The following NBAS variants were observed in gnomAD, a reference collection of about 807,000 sequenced individuals.
NBAS encodes the protein NAG/BC035112 fusion.
In NBAS, 219 loss-of-function variants were observed where a neutral mutation model predicts 302.5. The observed-to-expected ratio is 0.72, with a 90% CI of 0.65 to 0.81. The LOEUF (loss-of-function observed/expected upper bound fraction) is 0.81. Ranked by LOEUF, NBAS falls within the 30% of genes least tolerant of loss-of-function variation. NBAS has a pLI of 0.00. For missense variants in NBAS, 2,932 were observed against 2,841.6 expected (o/e 1.03, Z -0.72); for synonymous variants, 1,118 against 1,021.6 (o/e 1.09, Z -1.80).
chr2:15,470,731 T>C (rs1391563622), intron 16 of NBAS, among the ~76,000 whole-genome samples: 1 of 152,176 alleles, frequency 6.6e-6, no homozygotes, highest in African/African-American at 2.4e-5. Context: ...ACTGGGTTTC[T>C]AGAGTTGTAT....
At chr2:15,460,037 A>G (rs977511051) in intron 21 of NBAS, among the ~76,000 whole-genome samples, 49 of 152,184 alleles carry the variant, frequency 3.2e-4, no homozygotes, top group Admixed American at 6.5e-4. Context: ...ATTACTCTAT[A>G]CATGTTGACC....
the NBAS span, among the ~76,000 whole-genome samples, chr2:14,935,922 A>G: frequency 1.3e-5 from 2 of 152,196 alleles, no homozygotes; most frequent in African/African-American, 4.8e-5. Flanking sequence ...CCTAGGTGCC[A>G]AACCAGAGTA....
the NBAS span, among the ~76,000 whole-genome samples, chr2:15,053,506 A>G: frequency 6.6e-6 from 1 of 152,166 alleles, no homozygotes; most frequent in Non-Finnish European, 1.5e-5. Context: ...TCCATCACCT[A>G]ATTTTGAGAA....
chr2:14,959,432 G>T, the NBAS span, among the ~76,000 whole-genome samples: 1 of 152,120 alleles, frequency 6.6e-6, no homozygotes, highest in Non-Finnish European at 1.5e-5. Context: ...TTCATATTTT[G>T]CAATTTTGAT....
At chr2:14,792,437 C>G in the NBAS span, among the ~76,000 whole-genome samples, 1 of 152,090 alleles carries the variant, frequency 6.6e-6, no homozygotes, top group East Asian at 1.9e-4. Context: ...GTGTGGCTGA[C>G]TAGGGGATGT....
chr2:15,396,330 T>C, intron 27 of NBAS, 83 bp downstream of exon 27: 1 of 1,156,680 alleles, frequency 8.6e-7, no homozygotes, highest in South Asian at 1.4e-5. Context: ...AAACGATGAC[T>C]CACAGGCAGA....
At chr2:15,472,312 T>G (rs1679994906) in intron 16 of NBAS, among the ~76,000 whole-genome samples, 1 of 152,146 alleles carries the variant, frequency 6.6e-6, no homozygotes, top group African/African-American at 2.4e-5. Flanking sequence ...ACTTCCCCGC[T>G]TCCTCCCTCT....
chr2:15,010,219 G>T, the NBAS span, among the ~76,000 whole-genome samples: 1 of 152,110 alleles, frequency 6.6e-6, no homozygotes, highest in East Asian at 1.9e-4. Context: ...AATTAGCCCA[G>T]CAAGGAATTA....
intron 34 of NBAS, among the ~76,000 whole-genome samples, chr2:15,353,033 A>G (rs551292192): frequency 1.3e-5 from 2 of 152,178 alleles, no homozygotes; most frequent in African/African-American, 4.8e-5. Context: ...TGACTATGGG[A>G]TGAAAATGTG....
the NBAS span, among the ~76,000 whole-genome samples, chr2:14,865,273 C>G: frequency 6.7e-6 from 1 of 149,824 alleles, no homozygotes; most frequent in Non-Finnish European, 1.5e-5. Context: ...ACCTTTGTAT[C>G]AATACTCCAT....
the NBAS span, among the ~76,000 whole-genome samples, chr2:14,815,936 C>A: frequency 6.6e-6 from 1 of 152,194 alleles, no homozygotes; most frequent in Non-Finnish European, 1.5e-5. Flanking sequence ...TAATTAAATA[C>A]TAAAATTTTT....
chr2:15,488,843 T>C, intron 12 of NBAS, 51 bp downstream of exon 12: 2 of 1,605,312 alleles, frequency 1.2e-6, no homozygotes, highest in South Asian at 2.2e-5. Context: ...AAATTAGTAT[T>C]GTCAATACTC....
intron 50 of NBAS, among the ~76,000 whole-genome samples, chr2:15,183,071 G>C (rs1664905453): frequency 6.6e-6 from 1 of 152,128 alleles, no homozygotes; most frequent in Admixed American, 6.5e-5. Context: ...ATAAGTAACA[G>C]ATAATTTTAC....
At chr2:15,238,400 A>G (rs1407438128) in intron 45 of NBAS, 68 bp downstream of exon 45, 33 of 1,495,192 alleles carry the variant, frequency 2.2e-5, no homozygotes, top group Non-Finnish European at 2.9e-5. Flanking sequence ...CGACTAATGT[A>G]ACTTTCAAGG....
chr2:15,085,867 A>C, the NBAS span, among the ~76,000 whole-genome samples: 1 of 152,156 alleles, frequency 6.6e-6, no homozygotes, highest in Admixed American at 6.5e-5. Flanking sequence ...TTGGGTGCCC[A>C]GAAGTGTGGG....
At chr2:14,832,823 A>T in the NBAS span, among the ~76,000 whole-genome samples, 1 of 152,190 alleles carries the variant, frequency 6.6e-6, no homozygotes, top group Non-Finnish European at 1.5e-5. Flanking sequence ...GCTTTGTGGT[A>T]GCTTCTGCTC....
intron 41 of NBAS, among the ~76,000 whole-genome samples, chr2:15,287,410 T>A (rs2148092005): frequency 6.6e-6 from 1 of 152,358 alleles, no homozygotes; most frequent in South Asian, 2.1e-4. Context: ...AGACCAGTAG[T>A]TCTCAACTGT....
chr2:15,326,572 T>C (rs371409144), intron 38 of NBAS, among the ~76,000 whole-genome samples: 1 of 151,962 alleles, frequency 6.6e-6, no homozygotes, highest in South Asian at 2.1e-4. Context: ...AAAGAATAAT[T>C]AAACAGGGAA....
chr2:15,490,280 A>G (rs752516886), intron 11 of NBAS, among the ~76,000 whole-genome samples: 1 of 152,216 alleles, frequency 6.6e-6, no homozygotes, highest in Non-Finnish European at 1.5e-5. Flanking sequence ...TCAGGAGGTC[A>G]GGAACACTGT....
Sources: gnomAD v4.1 joint callset for allele counts (sites outside exome capture counted in the v4.1 genomes callset) on GRCh38, gnomAD v4.1.1 for gene constraint, MANE v1.5 for transcripts, NCBI Gene and HGNC (gene_info 2026-07-23, HGNC 2026-07-21) for gene names.